Variants in IKZF3 observed in about 807,000 individuals in gnomAD.
IKZF3 encodes IKAROS family zinc finger 3.
IKZF3 carries 10 observed loss-of-function variants against 49.0 expected under a neutral mutation model. That is an observed-to-expected ratio of 0.20 (90% CI 0.13 to 0.35). The LOEUF (loss-of-function observed/expected upper bound fraction) is 0.35, where lower values mean the gene tolerates loss of function less well. Ranked by LOEUF, IKZF3 falls within the 10% of genes least tolerant of loss-of-function variation. The pLI, the probability that IKZF3 is intolerant of heterozygous loss-of-function variation, is 1.00. For synonymous variants in IKZF3, 209 were observed against 228.2 expected (o/e 0.92, Z 0.76); for missense variants, 498 against 664.8 (o/e 0.75, Z 2.76).
chr17:39,795,317 C>G (rs1042913211), intron 3 of IKZF3, among the ~76,000 whole-genome samples: 6 of 152,230 alleles, frequency 3.9e-5, no homozygotes, highest in African/African-American at 1.4e-4. Flanking sequence ...TACATAGTTG[C>G]TGGTTTGCCT....
chr17:39,851,440 C>T (rs1238585374), intron 1 of IKZF3, among the ~76,000 whole-genome samples: 2 of 152,236 alleles, frequency 1.3e-5, no homozygotes, highest in South Asian at 2.1e-4. Flanking sequence ...CCATCAACAT[C>T]AGAAGGTATA....
rs578149344 is a variant in IKZF3, at chr17:39,775,223, C to T, written c.826+2428G>A. 9.9e-5 allele frequency among the ~76,000 whole-genome samples: 15 copies of T among 152,186 alleles called. No individual in the cohort carries two copies. The East Asian group carries it at 1.7e-3, about 18-fold the overall frequency. ...ACTTACGAAAAAAAAAAAAAATTCC[C>T]CCAGTTATTCTGGGCCCTGAAGCCC... On this transcript the variant is annotated intron_variant, in intron 7 of 7. Transcript: ENST00000346872.
chr17:39,835,631 G>A (rs763382999), intron 1 of IKZF3: 61 of 436,356 alleles, frequency 1.4e-4, no homozygotes, highest in Non-Finnish European at 2.5e-4. Flanking sequence ...CAGCAATGAT[G>A]CCGTCCGTGT....
chr17:39,805,300 A>G (rs2061408891), intron 3 of IKZF3, among the ~76,000 whole-genome samples: 1 of 152,224 alleles, frequency 6.6e-6, no homozygotes, highest in African/African-American at 2.4e-5. Flanking sequence ...ATTAGGGTTG[A>G]CAGTGTTTTT....
At chr17:39,794,076 A>AG (rs2061101259) in intron 3 of IKZF3, among the ~76,000 whole-genome samples, 1 of 152,244 alleles carries the variant, frequency 6.6e-6, no homozygotes, top group East Asian at 1.9e-4. Flanking sequence ...AATGGAGTGT[A>AG]GGGCTGGAAG....
At chr17:39,801,837 C>A (rs1175900876) in intron 3 of IKZF3, among the ~76,000 whole-genome samples, 1 of 151,964 alleles carries the variant, frequency 6.6e-6, no homozygotes, top group Non-Finnish European at 1.5e-5. Flanking sequence ...TTCTTTTTTT[C>A]TCTTTTAAAA....
chr17:39,862,900 G>C (rs1234067855), intron 1 of IKZF3, among the ~76,000 whole-genome samples: 1 of 152,102 alleles, frequency 6.6e-6, no homozygotes. Flanking sequence ...AACATTTATA[G>C]AGAAATACTC....
Position 39,831,374 on chromosome 17 carries a change from CA to C in IKZF3, c.61+723del, listed in dbSNP as rs568922025. Among the ~76,000 whole-genome samples, 34 of 137,408 alleles carry C rather than the reference CA, an allele frequency of 2.5e-4. No individual in the cohort carries two copies. In the South Asian group the frequency reaches 6.0e-3, roughly 24 times the overall value. The allele number at this position is 137,408 out of a possible 152,430, so 90.1% of individuals were successfully genotyped here. ...GGGCAACAAGAGCGAAATTCCGTCT[CA>C]AAAAAAAAAGAAAGAAAGAAAGATG... On this transcript the variant is annotated intron_variant, in intron 2 of 7. Coordinates refer to ENST00000346872, the MANE Select transcript of IKZF3 (RefSeq NM_012481.5).
chr17:39,802,932 A>G (rs1598056178), intron 3 of IKZF3, among the ~76,000 whole-genome samples: 2 of 152,250 alleles, frequency 1.3e-5, no homozygotes, highest in South Asian at 2.1e-4. Flanking sequence ...ACTACCCTCA[A>G]TTTTACTAAT....
At chr17:39,791,704 T>TAA in intron 4 of IKZF3, 121 bp from the exon 5 acceptor site, 1 of 1,009,074 alleles carries the variant, frequency 9.9e-7, no homozygotes, top group Non-Finnish European at 1.5e-6. Flanking sequence ...TTGGGATCAG[T>TAA]TGGGAGCTGC....
intron 1 of IKZF3, among the ~76,000 whole-genome samples, chr17:39,854,627 T>C (rs953392180): frequency 6.6e-6 from 1 of 152,196 alleles, no homozygotes; most frequent in African/African-American, 2.4e-5. Context: ...CTAAAGGAGA[T>C]GGCATTTAGG....
chr17:39,759,472 C>G lies in IKZF3; in HGVS notation c.*6318G>C, dbSNP rs1319478072. On this transcript the variant is annotated 3_prime_UTR_variant, in exon 8 of 8. Coordinates refer to ENST00000346872, the MANE Select transcript of IKZF3 (RefSeq NM_012481.5). ...ACTTGTATCCAATTTATTCAAACTG[C>G]AAAACCCTGTGTATCTTCATAACAA... is the stretch of plus-strand genomic sequence containing the variant. 6.6e-6 allele frequency: 1 copy of G among 151,982 alleles called. No homozygotes were observed. The highest frequency in any genetic ancestry group is 1.5e-5 in the Non-Finnish European group (1 of 68,022). The allele number at this position is 151,982 out of a possible 1,614,324, so 9.4% of individuals were successfully genotyped here.
At chr17:39,806,017 G>A (rs1426268346) in intron 3 of IKZF3, among the ~76,000 whole-genome samples, 1 of 152,146 alleles carries the variant, frequency 6.6e-6, no homozygotes, top group Non-Finnish European at 1.5e-5. Context: ...ACTGAAAATA[G>A]AGTTGAATGA....
At chr17:39,834,156 C>A (rs950354844) in intron 1 of IKZF3, among the ~76,000 whole-genome samples, 3 of 152,148 alleles carry the variant, frequency 2.0e-5, no homozygotes, top group African/African-American at 7.2e-5. Context: ...CATCCTTGCA[C>A]AAGTATTTCT....
chr17:39,785,126 T>C (rs2060842635), intron 6 of IKZF3, among the ~76,000 whole-genome samples: 1 of 152,090 alleles, frequency 6.6e-6, no homozygotes, highest in Admixed American at 6.5e-5. Flanking sequence ...CTCCCAATTC[T>C]AAGAAGGAAA....
chr17:39,820,541 C>T (rs553403653), intron 3 of IKZF3, among the ~76,000 whole-genome samples: 1 of 152,244 alleles, frequency 6.6e-6, no homozygotes, highest in African/African-American at 2.4e-5. Context: ...GTCTTTGTTC[C>T]TGCTCCCAGG....
At chr17:39,795,735 C>T (rs1380013721) in intron 3 of IKZF3, among the ~76,000 whole-genome samples, 1 of 151,348 alleles carries the variant, frequency 6.6e-6, no homozygotes, top group Non-Finnish European at 1.5e-5. Context: ...ATATTCAACT[C>T]TGTTACCTTC....
intron 1 of IKZF3, among the ~76,000 whole-genome samples, 157 bp from the exon 2 acceptor site, chr17:39,832,308 C>T (rs1416990083): frequency 6.6e-6 from 1 of 151,758 alleles, no homozygotes; most frequent in Non-Finnish European, 1.5e-5. Flanking sequence ...CCCTAAAAGC[C>T]TTTCAAGGAG....
At chr17:39,768,439 T>C (rs1327134127) in intron 7 of IKZF3, among the ~76,000 whole-genome samples, 1 of 152,186 alleles carries the variant, frequency 6.6e-6, no homozygotes, top group Non-Finnish European at 1.5e-5. Context: ...GATCAAGAAG[T>C]ATGAAATACA....
Sources: gnomAD v4.1 joint callset for allele counts (sites outside exome capture counted in the v4.1 genomes callset) on GRCh38, gnomAD v4.1.1 for gene constraint, MANE v1.5 for transcripts, NCBI Gene and HGNC (gene_info 2026-07-23, HGNC 2026-07-21) for gene names.